The following CHD5 variants were observed in gnomAD, a reference collection of about 807,000 sequenced individuals.
CHD5 encodes chromodomain helicase DNA binding protein 5.
CHD5 carries 69 observed loss-of-function variants against 230.3 expected under a neutral mutation model. The ratio of observed to expected loss-of-function variants is 0.30; its 90% CI spans 0.25 to 0.37. The LOEUF (loss-of-function observed/expected upper bound fraction) is 0.37. CHD5 is among the 10% of genes least tolerant of loss of function. The probability of loss-of-function intolerance (pLI) is 1.00; values close to 1 mark genes in which losing one functional copy is unlikely to be tolerated. For synonymous variants in CHD5, 1,064 were observed against 1,065.9 expected, an observed-to-expected ratio of 1.00 and a Z score of 0.03; for missense variants, 1,827 against 2,622.8, an observed-to-expected ratio of 0.70 and a Z score of 6.63.
At chr1:6,165,008 G>A (rs1242570150) in intron 2 of CHD5, among the ~76,000 whole-genome samples, 1 of 152,174 alleles carries the variant, frequency 6.6e-6, no homozygotes, top group Non-Finnish European at 1.5e-5. Context: ...GAGACCCAGA[G>A]AGAGACAGAC....
Position 6,167,706 on chromosome 1 carries a change from G to C in CHD5, c.207+444C>G, listed in dbSNP as rs77649102. ...CCCATCCAGAACCAGCCGAGAACCA[G>C]GGACAAAGTGACGGGAATCCAGAGG... On this transcript the variant is annotated intron_variant, in intron 2 of 41. Transcript: ENST00000262450. This position sits in a 1 kb window ranked among gnomAD's most constrained non-coding sequence, Gnocchi z 4.5. 3.4e-3 allele frequency among the ~76,000 whole-genome samples: 519 copies of C among 152,308 alleles called. 5 individuals are homozygous for C. Among genetic ancestry groups the C allele is most frequent in the African/African-American group, 0.012 (504 of 41,576 alleles).
chr1:6,165,542 C>T (rs535584915), intron 2 of CHD5, among the ~76,000 whole-genome samples: 21 of 152,152 alleles, frequency 1.4e-4, no homozygotes, highest in South Asian at 1.2e-3. Flanking sequence ...TCCTAAAATC[C>T]ACATCACCCC....
chr1:6,106,614 AC>A lies in CHD5; in HGVS notation c.5742+1del. 6.4e-7 allele frequency: 1 copy of A among 1,567,790 alleles called. No individual in the cohort carries two copies. Among genetic ancestry groups the A allele is most frequent in the South Asian group, 1.2e-5 (1 of 85,348 alleles). On this transcript the variant is annotated splice_donor_variant, in intron 39 of 41. Transcript: ENST00000262450. LOFTEE classifies it high-confidence loss of function. ...GGCCGGGGCACACAGGCCGAGCCTG[AC>A]CTGCTGGATGGTGGGGTCCCCGGCG... is the stretch of plus-strand genomic sequence containing the variant.
In CHD5 at chr1:6,125,751, A is replaced by G. The variant is rs1268802028; in HGVS notation, c.4171+15T>C. The stretch of plus-strand genomic sequence containing the variant: ...GGCCTCAGCAGTAGCCCAGACCACT[A>G]ACACTGAGACTCACTCTGCCCTTCC... On this transcript the variant is annotated intron_variant, in intron 27 of 41. Coordinates refer to ENST00000262450, the MANE Select transcript of CHD5 (RefSeq NM_015557.3). This position sits in a 1 kb window ranked among gnomAD's most constrained non-coding sequence, Gnocchi z 6.7. 1.2e-6 allele frequency: 2 copies of G among 1,608,426 alleles called. No individual in the cohort carries two copies. Among genetic ancestry groups the G allele is most frequent in the Non-Finnish European group, 1.7e-6 (2 of 1,174,922 alleles).
At chr1:6,147,181 T>A (rs1181844298) in intron 9 of CHD5, among the ~76,000 whole-genome samples, 1 of 152,182 alleles carries the variant, frequency 6.6e-6, no homozygotes, top group Non-Finnish European at 1.5e-5. Context: ...AGGGGGAAAC[T>A]GAGGCCCACT....
intron 1 of CHD5, among the ~76,000 whole-genome samples, chr1:6,179,159 G>A (rs1355957738): frequency 6.6e-6 from 1 of 152,226 alleles, no homozygotes; most frequent in African/African-American, 2.4e-5. Flanking sequence ...TAAAAGGAGA[G>A]AGATGGTAGG....
rs144151809 is a variant in CHD5, at chr1:6,131,374, G to A, written c.3262+257C>T. 1.3e-3 allele frequency among the ~76,000 whole-genome samples: 194 copies of A among 152,322 alleles called. 1 individual carries two copies. Among genetic ancestry groups the A allele is most frequent in the East Asian group, 4.2e-3 (22 of 5,188 alleles). On this transcript the variant is annotated intron_variant, in intron 21 of 41. Coordinates refer to ENST00000262450, the MANE Select transcript of CHD5 (RefSeq NM_015557.3). This position sits in a 1 kb window ranked among gnomAD's most constrained non-coding sequence, Gnocchi z 5.0. ...CACTTGTAACTGGGGCTCACCTGGC[G>A]TCAATATTAGAGGCCCCGTCTGCGT...
chr1:6,134,092 G>A lies in CHD5; in HGVS notation c.3144+36C>T, dbSNP rs1218717962. 8 of 1,600,250 alleles carry A rather than the reference G, an allele frequency of 5.0e-6. No homozygotes were observed. The highest frequency in any genetic ancestry group is 1.7e-4 in the Middle Eastern group (1 of 5,912). ...CAGGGCAGGATGCTCTCTGTGGGGT[G>A]TGGAGCCGGGGCGGGGGTGGGCAGG... On this transcript the variant is annotated intron_variant, in intron 20 of 41. Transcript: ENST00000262450. The surrounding 1 kb of genome is among the most constrained non-coding windows in gnomAD (Gnocchi z 6.3).
chr1:6,127,053 T>G, intron 25 of CHD5: 1 of 409,104 alleles, frequency 2.4e-6, no homozygotes, highest in Non-Finnish European at 4.5e-6. Context: ...AGGAGGCTCC[T>G]GGTTTCAAAG....
intron 33 of CHD5, among the ~76,000 whole-genome samples, chr1:6,120,604 C>T (rs562941377): frequency 6.6e-6 from 1 of 152,076 alleles, no homozygotes; most frequent in South Asian, 2.1e-4. Context: ...GAGATCGAGA[C>T]CAGCCTGGCC....
intron 33 of CHD5, among the ~76,000 whole-genome samples, chr1:6,118,825 G>A (rs999268743): frequency 2.0e-5 from 3 of 151,718 alleles, no homozygotes; most frequent in Admixed American, 2.0e-4. Context: ...AGCCTCCTGA[G>A]TAGCTGGGAT....
In CHD5 at chr1:6,129,043, G is replaced by A. The variant is rs1234446467; in HGVS notation, c.3414C>T (p.Gly1138=). 6.2e-7 allele frequency: 1 copy of A among 1,606,696 alleles called. No homozygotes were observed. The highest frequency in any genetic ancestry group is 1.1e-5 in the South Asian group (1 of 91,026). ...GGTAGATCATCACCTTCTTGTTCTG[G>A]CCGATGCGGTGGGCGCGGCTGAAGG... ...IQAFSRAHRI[G]QNKKVMIYRF... is the part of the protein sequence containing the mutation. The change falls in exon 23 of 42, where the codon GGC becomes GGT. Residue 1138 remains glycine, a synonymous_variant. Transcript: ENST00000262450. This position sits in a 1 kb window ranked among gnomAD's most constrained non-coding sequence, Gnocchi z 6.8.
chr1:6,118,378 CAAAAAA>C (rs60950909), intron 33 of CHD5, among the ~76,000 whole-genome samples: 2 of 79,200 alleles, frequency 2.5e-5, no homozygotes, highest in South Asian at 8.2e-4. Flanking sequence ...GACCCTGTCT[CAAAAAA>C]AAAAAAAAAA....
At chr1:6,119,371 T>A (rs540472126) in intron 33 of CHD5, among the ~76,000 whole-genome samples, 32 of 152,200 alleles carry the variant, frequency 2.1e-4, no homozygotes, top group Non-Finnish European at 4.0e-4. Context: ...GTGCTGGGAT[T>A]ACTGGCATGA....
In CHD5 at chr1:6,124,670, G is replaced by A; in HGVS notation, c.4395-9C>T. 1 of 1,281,792 alleles carries A rather than the reference G, an allele frequency of 7.8e-7. No individual in the cohort carries two copies. Among genetic ancestry groups the A allele is most frequent in the Non-Finnish European group, 1.1e-6 (1 of 927,300 alleles). 79.4% of individuals were successfully genotyped at this position (1,281,792 alleles called of 1,614,324 possible). ...AGAGGGACACATAGGCTCTGGGGTG[G>A]GGGGGGGGGACTGGGGCTCAGGGAG... On this transcript the variant is annotated splice_polypyrimidine_tract_variant and intron_variant, in intron 29 of 41. Transcript: ENST00000262450.
rs541860953 is a variant in CHD5, at chr1:6,103,086, A to G, written c.*2388T>C. On this transcript the variant is annotated 3_prime_UTR_variant, in exon 42 of 42. Coordinates refer to ENST00000262450, the MANE Select transcript of CHD5 (RefSeq NM_015557.3). ...AGACGCCAAACATACGGACACCACC[A>G]TCACCACTTTTGGCAGAGATGACTG... is the stretch of plus-strand genomic sequence containing the variant. 6.6e-6 allele frequency: 1 copy of G among 152,594 alleles called. No individual in the cohort carries two copies. The highest frequency in any genetic ancestry group is 2.4e-5 in the African/African-American group (1 of 41,586). 9.5% of individuals were successfully genotyped at this position (152,594 alleles called of 1,614,324 possible).
Position 6,146,355 on chromosome 1 carries a change from G to A in CHD5, c.1659C>T (p.Pro553=). 3 of 1,614,146 alleles carry A rather than the reference G, an allele frequency of 1.9e-6. No homozygotes were observed. Among genetic ancestry groups the A allele is most frequent in the Non-Finnish European group, 2.5e-6 (3 of 1,180,012 alleles). The change falls in exon 11 of 42, where the codon CCC becomes CCT. Residue 553 remains proline, a synonymous_variant. Transcript: ENST00000262450. This position sits in a 1 kb window ranked among gnomAD's most constrained non-coding sequence, Gnocchi z 5.1. ...CTTCATCCCCAGAGCCGTAGTCAAA[G>A]GGGGGCGGCTCATCCATGTCGTTCT... The part of the protein sequence containing the change: ...QRKNDMDEPP[P]FDYGSGDEDG...
intron 29 of CHD5, among the ~76,000 whole-genome samples, 187 bp from the exon 30 acceptor site, chr1:6,124,848 G>A (rs1666528976): frequency 6.6e-6 from 1 of 152,218 alleles, no homozygotes. Flanking sequence ...TCCTAGGACA[G>A]CCCTGGGTGA....
chr1:6,170,219 A>C (rs2100884042), intron 1 of CHD5, among the ~76,000 whole-genome samples: 1 of 152,186 alleles, frequency 6.6e-6, no homozygotes, highest in African/African-American at 2.4e-5. Context: ...ACACGCTCAG[A>C]CACACTCGCC....
Sources: gnomAD v4.1 joint callset for allele counts (sites outside exome capture counted in the v4.1 genomes callset) on GRCh38, gnomAD v4.1.1 for gene constraint, Gnocchi (gnomAD v3.1) non-coding constraint, MANE v1.5 for transcripts, NCBI Gene and HGNC (gene_info 2026-07-23, HGNC 2026-07-21) for gene names.